The following DPYD variants were observed in gnomAD, a reference collection of about 807,000 sequenced individuals.
The protein encoded by DPYD is dihydropyrimidine dehydrogenase [NADP(+)].
Under a neutral mutation model 116.2 loss-of-function variants are expected in DPYD, and 109 were observed. The ratio of observed to expected loss-of-function variants is 0.94; its 90% CI spans 0.80 to 1.10. The LOEUF is 1.10. DPYD is among the 50% of genes least tolerant of loss of function. DPYD has a pLI of 0.00. For missense variants in DPYD, 1,302 were observed against 1,254.5 expected (o/e 1.04, Z -0.57); for synonymous variants, 440 against 432.0 (o/e 1.02, Z -0.23).
At chr1:97,684,853 A>T (rs1446209537) in intron 7 of DPYD, among the ~76,000 whole-genome samples, 3 of 152,158 alleles carry the variant, frequency 2.0e-5, no homozygotes, top group Non-Finnish European at 2.9e-5. Flanking sequence ...GCAGTAATAA[A>T]TAGCCTACCA....
chr1:97,496,911 A>T (rs562948392), intron 13 of DPYD, among the ~76,000 whole-genome samples: 14 of 152,046 alleles, frequency 9.2e-5, no homozygotes, highest in Admixed American at 2.6e-4. Flanking sequence ...TACTATAAAA[A>T]TACAATGCTA....
chr1:97,195,684 A>G (rs1430990641), intron 19 of DPYD, among the ~76,000 whole-genome samples: 2 of 87,114 alleles, frequency 2.3e-5, no homozygotes, highest in Non-Finnish European at 4.4e-5. Context: ...ATATATATAT[A>G]TATATGCCTA....
At chr1:97,376,570 A>T (rs72728426) in intron 15 of DPYD, among the ~76,000 whole-genome samples, 11,107 of 152,072 alleles carry the variant, frequency 0.073, 494 homozygotes, top group African/African-American at 0.12. Flanking sequence ...CTGTCTCAGG[A>T]TGCACACCAC....
chr1:97,588,380 T>G (rs1654290250), intron 10 of DPYD, among the ~76,000 whole-genome samples: 1 of 152,080 alleles, frequency 6.6e-6, no homozygotes, highest in Non-Finnish European at 1.5e-5. Flanking sequence ...CTATTAAAAG[T>G]AAATTTGAAA....
rs548606204 is a variant in DPYD, at chr1:97,582,083, C to A, written c.1129-8113G>T. 4.6e-4 allele frequency among the ~76,000 whole-genome samples: 70 copies of A among 152,236 alleles called. 1 individual carries two copies. The highest frequency in any genetic ancestry group is 1.4e-3 in the African/African-American group (60 of 41,536). ...GTTTAGGATTGCTATAGTAAACAAA[C>A]CTGGAAACGTGAATTTAGGGGGCAT... On this transcript the variant is annotated intron_variant, in intron 10 of 22. Coordinates refer to ENST00000370192, the MANE Select transcript of DPYD (RefSeq NM_000110.4).
intron 13 of DPYD, among the ~76,000 whole-genome samples, chr1:97,451,284 T>C (rs1676399480): frequency 6.6e-6 from 1 of 152,146 alleles, no homozygotes; most frequent in South Asian, 2.1e-4. Flanking sequence ...CTGATCTGCA[T>C]ATGTTTGATA....
chr1:97,107,007 A>C (rs552314877), intron 20 of DPYD, among the ~76,000 whole-genome samples: 1 of 152,218 alleles, frequency 6.6e-6, no homozygotes, highest in South Asian at 2.1e-4. Context: ...GGAGAACTCT[A>C]ATACACGTAG....
intron 2 of DPYD, among the ~76,000 whole-genome samples, chr1:97,830,242 T>C (rs994871973): frequency 2.0e-5 from 3 of 152,134 alleles, no homozygotes; most frequent in Non-Finnish European, 4.4e-5. Context: ...TTAACTTTAC[T>C]TGGGCCTCCA....
chr1:97,078,460 TTTTTTGACTTTCTTCA>T lies in DPYD; in HGVS notation c.*500_*515del, dbSNP rs1648934952. 5.8e-6 allele frequency: 1 copy of T among 173,670 alleles called. No homozygotes were observed. The allele number at this position is 173,670 out of a possible 1,614,324, so 10.8% of individuals were successfully genotyped here. On this transcript the variant is annotated 3_prime_UTR_variant, in exon 23 of 23. Transcript: ENST00000370192. ...TTTCTTATCCTGCCATAGCAAATAATTTTTTGACTTTCTTCATTTGTACTTTATGGAGCTAACTACA... is the reference window on the plus strand; with the variant it reads ...TTTCTTATCCTGCCATAGCAAATAATTTTGTACTTTATGGAGCTAACTACA...
Position 97,337,704 on chromosome 1 carries a change from T to G in DPYD, c.2059-31407A>C, listed in dbSNP as rs190245822. Among the ~76,000 whole-genome samples, 178 of 151,092 alleles carry G rather than the reference T, an allele frequency of 1.2e-3. 1 individual carries two copies. Among genetic ancestry groups the G allele is most frequent in the Middle Eastern group, 6.8e-3 (2 of 294 alleles). On this transcript the variant is annotated intron_variant, in intron 16 of 22. Transcript: ENST00000370192. ...TTTCCAGTTAGGAGATTGTCTCAAA[T>G]GAAAGCAATACAGATCTGAGTGGAA...
intron 2 of DPYD, among the ~76,000 whole-genome samples, chr1:97,829,962 T>C (rs944627574): frequency 7.3e-5 from 11 of 151,616 alleles, no homozygotes; most frequent in Non-Finnish European, 7.4e-5. Flanking sequence ...TGTGTTCTCA[T>C]TGGTCAATTC....
intron 1 of DPYD, among the ~76,000 whole-genome samples, chr1:97,911,090 T>G (rs899124075): frequency 6.6e-6 from 1 of 152,086 alleles, no homozygotes; most frequent in Non-Finnish European, 1.5e-5. Flanking sequence ...TAATTTTTAT[T>G]AACACTTGAA....
rs565794853 is a variant in DPYD at position 97,787,262 on chromosome 1, GC to G, written c.233+40851del. Among the ~76,000 whole-genome samples the G allele has an allele frequency of 4.3e-4, 66 of 152,248 alleles. 1 individual carries two copies. The highest frequency in any genetic ancestry group is 1.3e-3 in the African/African-American group (54 of 41,532). ...AATATTTGAAAGCATAACTTAATAA[GC>G]CACAATTGCATCAACATCTAAAGTA... On this transcript the variant is annotated intron_variant, in intron 3 of 22. Coordinates refer to ENST00000370192, the MANE Select transcript of DPYD (RefSeq NM_000110.4).
chr1:97,537,780 C>CTT (rs1650125473), intron 12 of DPYD, among the ~76,000 whole-genome samples: 1 of 152,170 alleles, frequency 6.6e-6, no homozygotes, highest in African/African-American at 2.4e-5. Context: ...AAAAAGGAAA[C>CTT]TGAAACCTTT....
At chr1:97,159,193 T>C (rs940308509) in intron 20 of DPYD, among the ~76,000 whole-genome samples, 7 of 152,052 alleles carry the variant, frequency 4.6e-5, no homozygotes, top group Admixed American at 4.6e-4. Context: ...AATACTCTGA[T>C]AATGAATGAT....
chr1:97,144,198 A>T lies in DPYD; in HGVS notation c.2623-45566T>A, dbSNP rs574369969. On this transcript the variant is annotated intron_variant, in intron 20 of 22. Transcript: ENST00000370192. ...AAATGGGTACGCTTCCTTAATGCAG[A>T]GACATAGGCAAATGCCTTTCTTTCA... 7.2e-5 allele frequency among the ~76,000 whole-genome samples: 11 copies of T among 152,334 alleles called. No individual in the cohort carries two copies. In the East Asian group the frequency reaches 1.4e-3, roughly 19 times the overall value.
chr1:97,127,450 C>T (rs1013439985), intron 20 of DPYD, among the ~76,000 whole-genome samples: 2 of 152,138 alleles, frequency 1.3e-5, no homozygotes, highest in African/African-American at 2.4e-5. Context: ...CATCTTCCTA[C>T]GCAGCATTTC....
chr1:97,557,140 T>C (rs1210091433), intron 11 of DPYD, among the ~76,000 whole-genome samples: 8 of 151,758 alleles, frequency 5.3e-5, no homozygotes, highest in African/African-American at 1.5e-4. Context: ...GTTTTTTGGC[T>C]GCATAAATGT....
chr1:97,704,128 A>G (rs149869478), intron 5 of DPYD, among the ~76,000 whole-genome samples: 2 of 152,190 alleles, frequency 1.3e-5, no homozygotes, highest in African/African-American at 2.4e-5. Context: ...ATCAGCAACT[A>G]ACTCTTTTTT....
Sources: gnomAD v4.1 joint callset for allele counts (sites outside exome capture counted in the v4.1 genomes callset) on GRCh38, gnomAD v4.1.1 for gene constraint, MANE v1.5 for transcripts, NCBI Gene and HGNC (gene_info 2026-07-23, HGNC 2026-07-21) for gene names.